Variants in TTC6 observed in about 807,000 individuals in gnomAD.
TTC6 encodes the protein tetratricopeptide repeat protein 6.
In TTC6, 172 loss-of-function variants were observed where a neutral mutation model predicts 210.4. That is an observed-to-expected ratio of 0.82 (90% confidence interval 0.72 to 0.93). The LOEUF (loss-of-function observed/expected upper bound fraction) is 0.93. TTC6 is among the 40% of genes least tolerant of loss of function. The pLI, the probability that TTC6 is intolerant of heterozygous loss-of-function variation, is 0.00. For synonymous variants in TTC6, 804 were observed against 819.6 expected (o/e 0.98, Z 0.32); for missense variants, 2,414 against 2,318.1 (o/e 1.04, Z -0.85).
chr14:37,764,552 T>A (rs2095993036), intron 14 of TTC6, among the ~76,000 whole-genome samples: 2 of 152,180 alleles, frequency 1.3e-5, no homozygotes, highest in South Asian at 4.1e-4. Context: ...AATTATTGCC[T>A]TAAAATCTAT....
chr14:37,630,907 GTTTTTTTTTTTTTTTTTTTTTTTTTT>G (rs746429138), intron 1 of TTC6, among the ~76,000 whole-genome samples: 1,548 of 33,078 alleles, frequency 0.047, 39 homozygotes, highest in Admixed American at 0.1. Flanking sequence ...GGCAACCCCT[GTTTTTTTTTTTTTTTTTTTTTTTTTT>G]TTTTTTTTTT....
chr14:37,712,792 C>T (rs1190758890), intron 5 of TTC6, among the ~76,000 whole-genome samples: 1 of 152,154 alleles, frequency 6.6e-6, no homozygotes, highest in African/African-American at 2.4e-5. Flanking sequence ...TCCCACAACA[C>T]ATGGGCATTA....
At chr14:37,622,824 T>TCCC in exon 1 of TTC6, 1 of 1,533,978 alleles carries the variant, frequency 6.5e-7, no homozygotes, top group Non-Finnish European at 8.7e-7. Flanking sequence ...ACAGGAGAGC[T>TCCC]GGCCGCCCAG....
chr14:37,649,590 C>T (rs545405393), intron 1 of TTC6, among the ~76,000 whole-genome samples: 1 of 152,120 alleles, frequency 6.6e-6, no homozygotes, highest in Non-Finnish European at 1.5e-5. Flanking sequence ...TTTTGAAGCC[C>T]GAAAGCCGGA....
intron 15 of TTC6, among the ~76,000 whole-genome samples, chr14:37,788,803 T>A (rs1053093309): frequency 6.6e-6 from 1 of 152,166 alleles, no homozygotes; most frequent in Admixed American, 6.5e-5. Flanking sequence ...GAGGATAAAT[T>A]TAGCACAGAT....
chr14:37,663,202 C>A (rs1193231735), intron 1 of TTC6, among the ~76,000 whole-genome samples: 1 of 151,912 alleles, frequency 6.6e-6, no homozygotes, highest in African/African-American at 2.4e-5. Flanking sequence ...CTTGGCATGA[C>A]TGTTGTTGGT....
chr14:37,732,642 G>A (rs1464451859), intron 7 of TTC6, among the ~76,000 whole-genome samples: 11 of 150,680 alleles, frequency 7.3e-5, no homozygotes, highest in East Asian at 2.0e-4. Context: ...TTTTTGAGAC[G>A]GAGTCTTGCT....
At chr14:37,823,206 A>T (rs2096162000) in intron 26 of TTC6, among the ~76,000 whole-genome samples, 1 of 152,288 alleles carries the variant, frequency 6.6e-6, no homozygotes, top group East Asian at 1.9e-4. Context: ...ACAAGTTGAT[A>T]AATAAAATGC....
rs60931072 is a variant in TTC6 at position 37,805,416 on chromosome 14, GACAC to G, written c.4164+636_4164+639del. On this transcript the variant is annotated intron_variant, in intron 21 of 30. Coordinates refer to ENST00000553443, the Ensembl canonical transcript of TTC6. ...TGGATATTCTACAACTCTATCTCAA[GACAC>G]ACACACACACACACACACACACACA... Among the ~76,000 whole-genome samples, 1,355 of 146,500 alleles carry G rather than the reference GACAC, an allele frequency of 9.2e-3. 13 individuals carry two copies. Among genetic ancestry groups the G allele is most frequent in the African/African-American group, 0.027 (1,050 of 39,476 alleles).
At chr14:37,602,906 C>A (rs1401575490) in intron 1 of TTC6, among the ~76,000 whole-genome samples, 1 of 152,092 alleles carries the variant, frequency 6.6e-6, no homozygotes, top group Admixed American at 6.6e-5. Context: ...GGCCTCCTCC[C>A]GCCAAAATAC....
chr14:37,777,490 T>A (rs1034687746), intron 14 of TTC6, among the ~76,000 whole-genome samples: 2 of 152,232 alleles, frequency 1.3e-5, no homozygotes, highest in Non-Finnish European at 2.9e-5. Flanking sequence ...TTTCATCTTT[T>A]ATCTGCTGTA....
intron 1 of TTC6, among the ~76,000 whole-genome samples, chr14:37,623,958 A>G (rs2095655889): frequency 6.6e-6 from 1 of 152,228 alleles, no homozygotes; most frequent in Non-Finnish European, 1.5e-5. Flanking sequence ...AATATGAGAC[A>G]CGGTCTTTTT....
At chr14:37,654,257 T>C (rs2095717875) in intron 1 of TTC6, among the ~76,000 whole-genome samples, 1 of 152,196 alleles carries the variant, frequency 6.6e-6, no homozygotes, top group Non-Finnish European at 1.5e-5. Flanking sequence ...TCTGGTCATT[T>C]AAAAGTGAGC....
chr14:37,698,566 C>G (rs1300919585), intron 4 of TTC6, among the ~76,000 whole-genome samples: 1 of 152,028 alleles, frequency 6.6e-6, no homozygotes, highest in Admixed American at 6.6e-5. Flanking sequence ...CTGGACACCC[C>G]CTTTCACTCC....
intron 1 of TTC6, among the ~76,000 whole-genome samples, chr14:37,670,050 A>C (rs570160910): frequency 1.1e-4 from 17 of 152,298 alleles, no homozygotes; most frequent in African/African-American, 4.1e-4. Context: ...AGGTGATATG[A>C]ATCAATCACT....
intron 1 of TTC6, among the ~76,000 whole-genome samples, chr14:37,676,377 T>C (rs1189098583): frequency 6.6e-6 from 1 of 152,090 alleles, no homozygotes; most frequent in African/African-American, 2.4e-5. Flanking sequence ...TATTATTAAC[T>C]TCAAAGCCAG....
intron 14 of TTC6, among the ~76,000 whole-genome samples, chr14:37,772,151 G>A (rs538679533): frequency 3.3e-5 from 5 of 152,328 alleles, no homozygotes; most frequent in African/African-American, 7.2e-5. Context: ...TGAGGAGGCA[G>A]TCTGCCCGTT....
chr14:37,776,043 CTTTTTTTTTTT>C (rs1163694975), intron 14 of TTC6, among the ~76,000 whole-genome samples: 1 of 26,270 alleles, frequency 3.8e-5, no homozygotes, highest in African/African-American at 1.1e-4. Flanking sequence ...GGTCTTGATT[CTTTTTTTTTTT>C]TTTTTTTTTT....
intron 9 of TTC6, among the ~76,000 whole-genome samples, chr14:37,738,026 A>G (rs1377730428): frequency 6.6e-6 from 1 of 151,928 alleles, no homozygotes; most frequent in Admixed American, 6.6e-5. Flanking sequence ...TGTATAACAA[A>G]TTATTTATTA....
Sources: gnomAD v4.1 joint callset for allele counts (sites outside exome capture counted in the v4.1 genomes callset) on GRCh38, gnomAD v4.1.1 for gene constraint, MANE v1.5 for transcripts, NCBI Gene and HGNC (gene_info 2026-07-23, HGNC 2026-07-21) for gene names.